The following PPP4R4 variants were observed in gnomAD, a reference collection of about 807,000 sequenced individuals.
The protein encoded by PPP4R4 is serine/threonine-protein phosphatase 4 regulatory subunit 4.
Under a neutral mutation model 121.8 loss-of-function variants are expected in PPP4R4, and 70 were observed. That is an observed-to-expected ratio of 0.57 (90% CI 0.47 to 0.70). The LOEUF is 0.70. PPP4R4 is among the 30% of genes least tolerant of loss of function. PPP4R4 has a pLI of 0.00. For missense variants in PPP4R4, 875 were observed against 1,033.6 expected (o/e 0.85, Z 2.10); for synonymous variants, 348 against 355.7 (o/e 0.98, Z 0.24).
intron 16 of PPP4R4, among the ~76,000 whole-genome samples, chr14:94,252,454 A>G (rs1475464931): frequency 6.6e-6 from 1 of 152,204 alleles, no homozygotes; most frequent in Non-Finnish European, 1.5e-5. Context: ...AAAAATAATA[A>G]ATATATTTTG....
At position 94,259,355 on chromosome 14, in the gene PPP4R4, C is replaced by T. The variant is rs1893650108; in HGVS notation, c.2113C>T (p.Leu705Phe). Residue 705 changes from leucine (L) to phenylalanine (F), a missense_variant, in exon 19 of 25, where the codon CTT (leucine) becomes TTT (phenylalanine). Coordinates refer to ENST00000304338, the MANE Select transcript of PPP4R4 (RefSeq NM_058237.2). ...LDQEKEREEL[L>F]LLEMEQLEKE... ...TCAAGAGAAAGAAAGAGAAGAACTACTTCTTTTGGAAATGGTATGTTGTTT... is the reference window on the plus strand; with the variant it reads ...TCAAGAGAAAGAAAGAGAAGAACTATTTCTTTTGGAAATGGTATGTTGTTT... 1.2e-6 allele frequency: 2 copies of T among 1,610,104 alleles called. No individual in the cohort carries two copies. The highest frequency in any genetic ancestry group is 1.3e-5 in the African/African-American group (1 of 74,624).
intron 2 of PPP4R4, among the ~76,000 whole-genome samples, chr14:94,207,973 G>A (rs1349173693): frequency 6.6e-6 from 1 of 151,864 alleles, no homozygotes; most frequent in Non-Finnish European, 1.5e-5. Flanking sequence ...CTGACATGGA[G>A]TCAAATCTAG....
intron 3 of PPP4R4, among the ~76,000 whole-genome samples, chr14:94,215,342 A>G (rs1890965918): frequency 6.6e-6 from 1 of 152,206 alleles, no homozygotes; most frequent in South Asian, 2.1e-4. Context: ...GTTTTGACTA[A>G]AGGAATTAAA....
intron 3 of PPP4R4, among the ~76,000 whole-genome samples, chr14:94,221,022 G>A (rs992357727): frequency 1.3e-5 from 2 of 152,130 alleles, no homozygotes; most frequent in African/African-American, 4.8e-5. Context: ...AATACTGTAT[G>A]ATTGGTGTAA....
intron 3 of PPP4R4, among the ~76,000 whole-genome samples, chr14:94,230,046 GA>G (rs1346808961): frequency 6.6e-6 from 1 of 152,114 alleles, no homozygotes; most frequent in Non-Finnish European, 1.5e-5. Flanking sequence ...ATATTCTTAA[GA>G]AATTTTCTTT....
At chr14:94,227,419 A>T (rs1891778887) in intron 3 of PPP4R4, 1 of 1,591,380 alleles carries the variant, frequency 6.3e-7, no homozygotes, top group Non-Finnish European at 8.6e-7. Context: ...TCAGAAAAAT[A>T]TGTTTAGAAA....
intron 3 of PPP4R4, chr14:94,227,777 C>T (rs1891797770): frequency 1.0e-6 from 1 of 989,604 alleles, no homozygotes; most frequent in Non-Finnish European, 1.2e-6. Context: ...CGTTGTGGCC[C>T]TCACAATTGA....
chr14:94,242,291 C>T lies in PPP4R4; in HGVS notation c.1149C>T (p.Ala383=), dbSNP rs1892674430. ...VRKNCAYNFP[A]MIVFVDPKNF... ...CTCCTCCCTTCCACCTCCACCAGGC[C>T]ATGATTGTTTTTGTTGATCCTAAAA... The change falls in exon 11 of 25, where the codon GCC becomes GCT. Residue 383 remains alanine, a splice_region_variant and synonymous_variant. Transcript: ENST00000304338. 1.2e-6 allele frequency: 2 copies of T among 1,611,506 alleles called. No individual in the cohort carries two copies. Among genetic ancestry groups the T allele is most frequent in the Non-Finnish European group, 1.7e-6 (2 of 1,178,168 alleles).
intron 2 of PPP4R4, among the ~76,000 whole-genome samples, chr14:94,198,995 T>G (rs919146521): frequency 6.6e-6 from 1 of 152,216 alleles, no homozygotes; most frequent in Non-Finnish European, 1.5e-5. Flanking sequence ...TCAGATTTGT[T>G]TTAGCTATTC....
chr14:94,230,945 A>G (rs1366199832), intron 4 of PPP4R4, among the ~76,000 whole-genome samples: 2 of 152,196 alleles, frequency 1.3e-5, no homozygotes, highest in Non-Finnish European at 2.9e-5. Context: ...CCATTAATTC[A>G]TCTTATGATT....
intron 2 of PPP4R4, among the ~76,000 whole-genome samples, chr14:94,193,767 G>A (rs1889722929): frequency 6.6e-6 from 1 of 152,160 alleles, no homozygotes; most frequent in Non-Finnish European, 1.5e-5. Context: ...ATCACAGCTT[G>A]AGATTCTAGA....
At position 94,241,848 on chromosome 14, in the gene PPP4R4, TG is replaced by T; in HGVS notation, c.1040del (p.Gly347ValfsTer18). The T allele has an allele frequency of 1.2e-6, 2 of 1,608,996 alleles. No individual in the cohort carries two copies. Among genetic ancestry groups the T allele is most frequent in the South Asian group, 2.2e-5 (2 of 89,954 alleles). ...GAATTTTATAAGAAACTTTGTACAT[TG>T]GGTTTGCAACAAGAAAATGGACACA... ...FLEFYKKLCT[L>X]GLQQENGHNE... On this transcript the variant is annotated frameshift_variant, in exon 10 of 25. Transcript: ENST00000304338. LOFTEE classifies it high-confidence loss of function.
At chr14:94,264,015 C>T (rs576731647) in intron 19 of PPP4R4, among the ~76,000 whole-genome samples, 1 of 152,246 alleles carries the variant, frequency 6.6e-6, no homozygotes, top group African/African-American at 2.4e-5. Context: ...ATTCTGTTAG[C>T]ATAAGGGCCT....
chr14:94,213,325 C>T (rs557096604), intron 3 of PPP4R4, among the ~76,000 whole-genome samples: 1 of 152,288 alleles, frequency 6.6e-6, no homozygotes, highest in African/African-American at 2.4e-5. Flanking sequence ...AGCCTCCTCA[C>T]TGAGTCTGTT....
At chr14:94,218,774 A>T (rs1001429185) in intron 3 of PPP4R4, among the ~76,000 whole-genome samples, 6 of 152,048 alleles carry the variant, frequency 3.9e-5, no homozygotes, top group African/African-American at 1.4e-4. Flanking sequence ...TCACCCCTAG[A>T]TACCTCATAA....
Position 94,233,760 on chromosome 14 carries a change from G to GT in PPP4R4, c.623+2dup. ...TGACCAACAAATTTGATGCCCACACGTGAGTATTTGTATGTAATTTTCGGT... is the reference window on the plus strand; with the variant it reads ...TGACCAACAAATTTGATGCCCACACGTTGAGTATTTGTATGTAATTTTCGGT... On this transcript the variant is annotated splice_donor_variant, in intron 6 of 24. Transcript: ENST00000304338. LOFTEE classifies it high-confidence loss of function. The GT allele has an allele frequency of 6.6e-7, 1 of 1,523,320 alleles. No individual in the cohort carries two copies. The highest frequency in any genetic ancestry group is 2.3e-5 in the East Asian group (1 of 44,168). The allele number at this position is 1,523,320 out of a possible 1,614,324, so 94.4% of individuals were successfully genotyped here.
intron 19 of PPP4R4, among the ~76,000 whole-genome samples, chr14:94,262,436 A>AT (rs1398169231): frequency 1.3e-5 from 2 of 151,324 alleles, no homozygotes; most frequent in African/African-American, 4.9e-5. Context: ...TTTTTTGGAA[A>AT]TTTTTTTTGC....
chr14:94,186,750 A>G (rs965404275), intron 2 of PPP4R4, among the ~76,000 whole-genome samples: 3 of 152,206 alleles, frequency 2.0e-5, no homozygotes. Context: ...TATACTCTAT[A>G]ACACTTGATA....
intron 23 of PPP4R4, among the ~76,000 whole-genome samples, chr14:94,269,664 A>C (rs7149046): frequency 0.22 from 33,970 of 151,788 alleles, 4,409 homozygotes; most frequent in African/African-American, 0.35. Context: ...CCAGAAAAAA[A>C]AAAAACAAAA....
Sources: allele counts gnomAD v4.1 joint callset (sites outside exome capture counted in the v4.1 genomes callset), GRCh38; gene constraint gnomAD v4.1.1; transcripts MANE v1.5; gene names NCBI Gene and HGNC (gene_info 2026-07-23, HGNC 2026-07-21).